ADAM18: variants seen among roughly 807,000 people sequenced by gnomAD.
The protein encoded by ADAM18 is ADAM metallopeptidase domain 18, also known as disintegrin and metalloproteinase domain-containing protein 18.
A neutral mutation model predicts 94.4 loss-of-function variants in ADAM18; 117 were observed. The ratio of observed to expected loss-of-function variants is 1.24; its 90% CI spans 1.07 to 1.45. ADAM18 has a LOEUF of 1.45. Among genes scored for constraint, ADAM18 ranks in the 40% most tolerant of loss-of-function variants. The pLI, the probability that ADAM18 is intolerant of heterozygous loss-of-function variation, is 0.00. For missense variants in ADAM18, 936 were observed against 880.0 expected (o/e 1.06, Z -0.81); for synonymous variants, 327 against 291.6 (o/e 1.12, Z -1.24).
intron 18 of ADAM18, among the ~76,000 whole-genome samples, chr8:39,716,279 A>C (rs1279740377): frequency 6.6e-6 from 1 of 151,562 alleles, no homozygotes; most frequent in Non-Finnish European, 1.5e-5. Context: ...TTGAAGGGTA[A>C]TGTTAGGTTG....
chr8:39,684,608 G>C (rs939637407), intron 16 of ADAM18, among the ~76,000 whole-genome samples: 3 of 152,140 alleles, frequency 2.0e-5, no homozygotes, highest in Non-Finnish European at 4.4e-5. Flanking sequence ...CTGAGGTTGA[G>C]GGGGCAGTTC....
chr8:39,729,341 C>T (rs1174065235), intron 19 of ADAM18, among the ~76,000 whole-genome samples: 1 of 152,090 alleles, frequency 6.6e-6, no homozygotes, highest in Non-Finnish European at 1.5e-5. Flanking sequence ...TATTTTACTA[C>T]ACAAAGTATT....
At chr8:39,683,537 C>A (rs1378938442) in intron 16 of ADAM18, among the ~76,000 whole-genome samples, 1 of 152,170 alleles carries the variant, frequency 6.6e-6, no homozygotes, top group East Asian at 1.9e-4. Context: ...TCATTTCCAC[C>A]AGCAGTGTGT....
rs1045226100 is a variant in ADAM18 at position 39,670,436 on chromosome 8, A to G, written c.1525+2240A>G. Among the ~76,000 whole-genome samples the G allele has an allele frequency of 2.6e-5, 4 of 152,242 alleles. No homozygotes were observed. In the East Asian group the frequency reaches 7.7e-4, roughly 29 times the overall value. On this transcript the variant is annotated intron_variant, in intron 14 of 19. Transcript: ENST00000265707. ...AGGCATTTTTCTTCTGTTACCAAAA[A>G]CCACAGGTGGTATATTATATGGGAC...
chr8:39,584,945 A>G (rs1260990498), intron 1 of ADAM18, among the ~76,000 whole-genome samples: 3 of 152,104 alleles, frequency 2.0e-5, no homozygotes, highest in Non-Finnish European at 4.4e-5. Flanking sequence ...CACTCTGTGA[A>G]GGAGGGTGGA....
intron 2 of ADAM18, among the ~76,000 whole-genome samples, chr8:39,597,419 G>A (rs986811269): frequency 3.9e-5 from 6 of 151,934 alleles, no homozygotes; most frequent in African/African-American, 1.5e-4. Context: ...TTTACATTTT[G>A]GTCTGTTATT....
intron 19 of ADAM18, among the ~76,000 whole-genome samples, chr8:39,725,575 T>G (rs983670823): frequency 2.6e-5 from 4 of 152,202 alleles, no homozygotes; most frequent in Non-Finnish European, 1.5e-5. Context: ...CACATATAGT[T>G]AAGATCATGC....
At chr8:39,670,456 T>A (rs1294071871) in intron 14 of ADAM18, among the ~76,000 whole-genome samples, 1 of 152,176 alleles carries the variant, frequency 6.6e-6, no homozygotes, top group Non-Finnish European at 1.5e-5. Flanking sequence ...GTATATTATA[T>A]GGGACATGTT....
chr8:39,723,879 T>C lies in ADAM18; in HGVS notation c.2149T>C (p.Cys717Arg), dbSNP rs750344746. ...TAAAAGAAATGAAATAAGTAAATCA[T>C]GTAACAGAGAGAATGCAGAGTATAA... ...IFKRNEISKS[C>R]NRENAEYNRN... is the part of the protein sequence containing the mutation. Residue 717 changes from cysteine (C) to arginine (R), a missense_variant, in exon 19 of 20, where the codon TGT (cysteine) becomes CGT (arginine). Transcript: ENST00000265707. 3 of 1,557,770 alleles carry C rather than the reference T, an allele frequency of 1.9e-6. No homozygotes were observed. Among genetic ancestry groups the C allele is most frequent in the South Asian group, 1.2e-5 (1 of 81,508 alleles).
Position 39,718,529 on chromosome 8 carries a change from A to G in ADAM18, c.2018-5219A>G, listed in dbSNP as rs193177228. Among the ~76,000 whole-genome samples, 31 of 151,636 alleles carry G rather than the reference A, an allele frequency of 2.0e-4. No individual in the cohort carries two copies. The East Asian group carries it at 5.8e-3, about 28-fold the overall frequency. On this transcript the variant is annotated intron_variant, in intron 18 of 19. Transcript: ENST00000265707. ...AGTCATATTCATATAATTAAAGAAT[A>G]GAATGGTGGTTGTTGGGGTGGTAGT...
At chr8:39,670,158 G>A (rs1223953692) in intron 14 of ADAM18, among the ~76,000 whole-genome samples, 4 of 151,952 alleles carry the variant, frequency 2.6e-5, no homozygotes, top group African/African-American at 9.7e-5. Context: ...TTTTTGATGG[G>A]GTTGTTTGTT....
intron 16 of ADAM18, among the ~76,000 whole-genome samples, chr8:39,690,167 T>G (rs1821731635): frequency 6.6e-6 from 1 of 152,204 alleles, no homozygotes; most frequent in Non-Finnish European, 1.5e-5. Context: ...CAAAGTGCTC[T>G]CAGACTGCTG....
intron 10 of ADAM18, among the ~76,000 whole-genome samples, chr8:39,639,071 A>G (rs1469503321): frequency 6.6e-6 from 1 of 151,978 alleles, no homozygotes; most frequent in African/African-American, 2.4e-5. Context: ...TTGTAACCAT[A>G]TAACTCCATG....
At chr8:39,679,348 CAT>C (rs1821380015) in intron 15 of ADAM18, among the ~76,000 whole-genome samples, 1 of 152,100 alleles carries the variant, frequency 6.6e-6, no homozygotes, top group Non-Finnish European at 1.5e-5. Context: ...CAAAAAGTGA[CAT>C]AGATTATCTT....
In ADAM18 at chr8:39,706,673, A is replaced by G. The variant is rs1822250133; in HGVS notation, c.1903-117A>G. The G allele has an allele frequency of 3.0e-5, 16 of 533,948 alleles. No individual in the cohort carries two copies. In the East Asian group the frequency reaches 4.7e-4, roughly 16 times the overall value. 33.1% of individuals were successfully genotyped at this position (533,948 alleles called of 1,614,324 possible). On this transcript the variant is annotated intron_variant, in intron 17 of 19. Transcript: ENST00000265707. ...TTTCTCACATTATATAGTCATAATA[A>G]TCTTAAGAAAAAATAATTATTCTAT...
intron 14 of ADAM18, among the ~76,000 whole-genome samples, chr8:39,674,142 C>T (rs1021219218): frequency 6.6e-6 from 1 of 152,090 alleles, no homozygotes; most frequent in Admixed American, 6.6e-5. Flanking sequence ...ATTAGTCCTG[C>T]TTGTTGCAGA....
rs777625191 is a variant in ADAM18 at position 39,609,075 on chromosome 8, A to G, written c.222A>G (p.Thr74=). The G allele has an allele frequency of 6.3e-7, 1 of 1,591,214 alleles. No individual in the cohort carries two copies. The highest frequency in any genetic ancestry group is 8.6e-7 in the Non-Finnish European group (1 of 1,168,772). Reference sequence around the variant, plus strand: ...TACCCCAGAACTTTTTGGTTTATACATATAATGAAACTGGATCTTTGCATT... The same window carrying G: ...TACCCCAGAACTTTTTGGTTTATACGTATAATGAAACTGGATCTTTGCATT... ...SFLPQNFLVY[T]YNETGSLHSV... is the part of the protein sequence containing the mutation. The change falls in exon 4 of 20, where the codon ACA becomes ACG. Residue 74 remains threonine (T), a synonymous_variant. Coordinates refer to ENST00000265707, the MANE Select transcript of ADAM18 (RefSeq NM_014237.3).
At chr8:39,589,434 C>G (rs1226865614) in intron 2 of ADAM18, among the ~76,000 whole-genome samples, 1 of 151,986 alleles carries the variant, frequency 6.6e-6, no homozygotes, top group Admixed American at 6.6e-5. Context: ...AGTATCTATT[C>G]CAAATGACTG....
At chr8:39,602,717 A>G (rs1818943394) in intron 2 of ADAM18, among the ~76,000 whole-genome samples, 1 of 152,068 alleles carries the variant, frequency 6.6e-6, no homozygotes, top group Non-Finnish European at 1.5e-5. Context: ...TTTATGAGAT[A>G]TGTGATTTCC....
Sources: gnomAD v4.1 joint callset for allele counts (sites outside exome capture counted in the v4.1 genomes callset) on GRCh38, gnomAD v4.1.1 for gene constraint, MANE v1.5 for transcripts, NCBI Gene and HGNC (gene_info 2026-07-23, HGNC 2026-07-21) for gene names.